EPHA10: variants seen among roughly 807,000 people sequenced by gnomAD.
The protein encoded by EPHA10 is EPH receptor A10.
In EPHA10, 120 loss-of-function variants were observed where a neutral mutation model predicts 109.7. That is an observed-to-expected ratio of 1.09 (90% CI 0.94 to 1.27). EPHA10 has a LOEUF of 1.27. Ranked by LOEUF, EPHA10 falls within the 50% of genes most tolerant of loss-of-function variation. The pLI, the probability that EPHA10 is intolerant of heterozygous loss-of-function variation, is 0.00. For synonymous variants in EPHA10, 640 were observed against 618.9 expected (o/e 1.03, Z -0.51); for missense variants, 1,396 against 1,411.1 (o/e 0.99, Z 0.17).
At position 37,721,718 on chromosome 1, in the gene EPHA10, G is replaced by T; in HGVS notation, c.2088C>A (p.Leu696=). The T allele has an allele frequency of 6.2e-7, 1 of 1,612,544 alleles. No homozygotes were observed. The highest frequency in any genetic ancestry group is 8.5e-7 in the Non-Finnish European group (1 of 1,179,892). ...GGCTATGGTCAAACTGGCCCAGCGT[G>T]AGGGCCTCGGCCAGGAAGCCGAGCC... ...SQRLGFLAEA[L]TLGQFDHSHI... Residue 696 remains leucine (L), a synonymous_variant, in exon 11 of 17, where the codon CTC becomes CTA. Transcript: ENST00000373048.
Position 37,716,151 on chromosome 1 carries a change from G to C in EPHA10, c.*2221C>G, listed in dbSNP as rs1645688175. 2.4e-6 allele frequency: 1 copy of C among 423,680 alleles called. No individual in the cohort carries two copies. The highest frequency in any genetic ancestry group is 2.0e-5 in the African/African-American group (1 of 49,998). 26.2% of individuals were successfully genotyped at this position (423,680 alleles called of 1,614,324 possible). ...AGTTCCATATAAAAATAGATCTGTA[G>C]AGGGTTCCCAGAGAGCCATCGCCCC... On this transcript the variant is annotated 3_prime_UTR_variant, in exon 17 of 17. Transcript: ENST00000373048.
chr1:37,736,514 C>T (rs954527612), intron 5 of EPHA10, among the ~76,000 whole-genome samples: 3 of 142,392 alleles, frequency 2.1e-5, no homozygotes, highest in Admixed American at 7.3e-5. Flanking sequence ...TTGAGACCAT[C>T]CTGGCCAACA....
intron 6 of EPHA10, among the ~76,000 whole-genome samples, chr1:37,734,963 T>C (rs1233608959): frequency 1.3e-5 from 2 of 152,126 alleles, no homozygotes; most frequent in Non-Finnish European, 2.9e-5. Flanking sequence ...CGTATAAGAT[T>C]CAGCCACACA....
Position 37,718,483 on chromosome 1 carries a change from G to A in EPHA10, c.2916C>T (p.Asp972=), listed in dbSNP as rs1467762531. The change falls in exon 17 of 17, where the codon GAC becomes GAT. Residue 972 remains aspartate (D), a synonymous_variant. Transcript: ENST00000373048. ...CCAAAGAGATGCCTAGGCTCACCAG[G>A]TCCCTGAAACAAAGGCTGGTCACAC... ...LEAVAEMTAQ[D]LVSLGISLAE... 6.2e-7 allele frequency: 1 copy of A among 1,613,426 alleles called. No homozygotes were observed. Among genetic ancestry groups the A allele is most frequent in the South Asian group, 1.1e-5 (1 of 91,086 alleles).
At position 37,765,062 on chromosome 1, in the gene EPHA10, T is replaced by A. The variant is rs775871085; in HGVS notation, c.5A>T (p.Glu2Val). 6.3e-7 allele frequency: 1 copy of A among 1,597,400 alleles called. No individual in the cohort carries two copies. The change falls in exon 1 of 17, where the codon GAG (glutamate) becomes GTG (valine). Residue 2 changes from glutamate (E) to valine (V), a missense_variant. Physicochemically the swap from Glu to Val is moderately radical, Grantham distance 121 (BLOSUM62 -2). Transcript: ENST00000373048. ...CAGCGGGTGTGGACCGGCGCAGGTC[T>A]CCATGGTCCGCAGACCGAGCTGTCA... M[E>V]TCAGPHPLRL...
chr1:37,753,093 G>A lies in EPHA10; in HGVS notation c.1140C>T (p.Cys380=). ...AGGCGCCCGCCGGGCCCTCGCGGCCGCAGCGCAGGCACAGCAGCGAGTAGG... is the reference window on the plus strand; with the variant it reads ...AGGCGCCCGCCGGGCCCTCGCGGCCACAGCGCAGGCACAGCAGCGAGTAGG... ...DVTYSLLCLR[C]GREGPAGACE... Residue 380 remains cysteine, a synonymous_variant, in exon 5 of 17, where the codon TGC becomes TGT. Coordinates refer to ENST00000373048, the MANE Select transcript of EPHA10 (RefSeq NM_001099439.2). 3.0e-6 allele frequency: 4 copies of A among 1,325,940 alleles called. No individual in the cohort carries two copies. Among genetic ancestry groups the A allele is most frequent in the South Asian group, 1.9e-5 (1 of 51,942 alleles). The allele number at this position is 1,325,940 out of a possible 1,614,324, so 82.1% of individuals were successfully genotyped here. A position where few individuals can be genotyped will look rare whatever the true frequency, so the allele number is the denominator to read the frequency against.
chr1:37,759,419 A>G (rs687332), intron 3 of EPHA10, among the ~76,000 whole-genome samples: 94,885 of 151,562 alleles, frequency 0.63, 30,339 homozygotes, highest in East Asian at 0.8. Context: ...GCTGCCTGGG[A>G]AAAAAAAACC....
chr1:37,752,410 G>T (rs1646341646), intron 5 of EPHA10, among the ~76,000 whole-genome samples: 1 of 152,158 alleles, frequency 6.6e-6, no homozygotes, highest in Admixed American at 6.5e-5. Context: ...GCCGGATCCG[G>T]CTTCCCGAGA....
In EPHA10 at chr1:37,744,296, G is replaced by A. The variant is rs1259043902; in HGVS notation, c.1357+8580C>T. Among the ~76,000 whole-genome samples the A allele has an allele frequency of 6.6e-5, 10 of 151,222 alleles. No individual in the cohort carries two copies. The East Asian group carries it at 1.9e-3, about 29-fold the overall frequency. On this transcript the variant is annotated intron_variant, in intron 5 of 16. Coordinates refer to ENST00000373048, the MANE Select transcript of EPHA10 (RefSeq NM_001099439.2). ...TGGGAGGCTGAGGCGGGTGGATCAC[G>A]AGGTCAGGAGTTCGAGACCAGCCTG...
In EPHA10 at chr1:37,743,008, T is replaced by TATA. The variant is rs535254655; in HGVS notation, c.1358-7621_1358-7619dup. 3.8e-4 allele frequency among the ~76,000 whole-genome samples: 57 copies of TATA among 151,276 alleles called. No individual in the cohort carries two copies. The South Asian group carries it at 0.011, about 30-fold the overall frequency. ...AAGACCTTGTCTCTAATAATAATAA[T>TATA]ATAATAATAATAATAAAATAAAATC... On this transcript the variant is annotated intron_variant, in intron 5 of 16. Coordinates refer to ENST00000373048, the MANE Select transcript of EPHA10 (RefSeq NM_001099439.2).
chr1:37,717,178 GC>G lies in EPHA10; in HGVS notation c.*1193del, dbSNP rs1645706514. The G allele has an allele frequency of 4.3e-6, 1 of 232,784 alleles. No homozygotes were observed. Among genetic ancestry groups the G allele is most frequent in the Non-Finnish European group, 8.5e-6 (1 of 117,844 alleles). The allele number at this position is 232,784 out of a possible 1,614,324, so 14.4% of individuals were successfully genotyped here. ...ATACTGGGCCCCACCATTCCCGGGG[GC>G]CCTTGTGGATAAGGAACTCCACGGT... On this transcript the variant is annotated 3_prime_UTR_variant, in exon 17 of 17. Transcript: ENST00000373048.
chr1:37,753,244 CG>C lies in EPHA10; in HGVS notation c.1007-19del. Reference sequence around the variant, plus strand: ...CGGCGGCCCTGAGGCGGCACAGGGGCGGGGCGGTCAGGGCGGGGCGTGGGTG... The same window carrying C: ...CGGCGGCCCTGAGGCGGCACAGGGGCGGGCGGTCAGGGCGGGGCGTGGGTG... On this transcript the variant is annotated intron_variant, in intron 4 of 16. Coordinates refer to ENST00000373048, the MANE Select transcript of EPHA10 (RefSeq NM_001099439.2). 1.2e-6 allele frequency: 1 copy of C among 818,704 alleles called. No individual in the cohort carries two copies. Among genetic ancestry groups the C allele is most frequent in the South Asian group, 4.3e-5 (1 of 23,186 alleles). The allele number at this position is 818,704 out of a possible 1,614,324, so 50.7% of individuals were successfully genotyped here.
intron 3 of EPHA10, chr1:37,761,026 G>A (rs1363125956): frequency 2.0e-6 from 1 of 497,350 alleles, no homozygotes; most frequent in African/African-American, 2.0e-5. Flanking sequence ...GGAAGTTGCA[G>A]TTAGCCAAGA....
Position 37,762,067 on chromosome 1 carries a change from C to A in EPHA10, c.188G>T (p.Gly63Val). Residue 63 changes from glycine to valine, a missense_variant, in exon 3 of 17, where the codon GGC becomes GTC. By Grantham distance (109) the Gly-to-Val change is moderately radical. Coordinates refer to ENST00000373048, the MANE Select transcript of EPHA10 (RefSeq NM_001099439.2). ...GATGGGACGGTCGTGTTCATCCACG[C>A]CGCTGATCTCCTCCCACTGGGGACA... Reference protein sequence around the residue: ...LPSNGWEEISGVDEHDRPIRT... With the variant: ...LPSNGWEEISVVDEHDRPIRT... 6.3e-7 allele frequency: 1 copy of A among 1,588,178 alleles called. No individual in the cohort carries two copies. Among genetic ancestry groups the A allele is most frequent in the Non-Finnish European group, 8.6e-7 (1 of 1,164,670 alleles).
chr1:37,720,643 G>T, intron 12 of EPHA10, 89 bp from the exon 13 acceptor site: 2 of 1,532,138 alleles, frequency 1.3e-6, no homozygotes, highest in Non-Finnish European at 1.8e-6. Context: ...CTCTCGCCAG[G>T]CTTTAGTTCA....
At chr1:37,715,644 C>G (rs1557523728), downstream of EPHA10, among the ~76,000 whole-genome samples, 1 of 152,286 alleles carries the variant, frequency 6.6e-6, no homozygotes, top group Non-Finnish European at 1.5e-5. Context: ...GCACTGAGCA[C>G]CTTTCCTGGT....
chr1:37,720,346 C>A lies in EPHA10; in HGVS notation c.2412+5G>T, dbSNP rs1645768840. ...ACAGGCAGGCTTGGCTGGGGGCGCC[C>A]TCACCATAGTGGTGTAGACAGCCTC... On this transcript the variant is annotated splice_donor_5th_base_variant and intron_variant, in intron 13 of 16. Transcript: ENST00000373048. 1.1e-5 allele frequency: 18 copies of A among 1,595,054 alleles called. No homozygotes were observed. Among genetic ancestry groups the A allele is most frequent in the Non-Finnish European group, 1.5e-5 (17 of 1,170,828 alleles).
intron 5 of EPHA10, among the ~76,000 whole-genome samples, chr1:37,740,407 G>A (rs1476574831): frequency 2.0e-5 from 3 of 152,060 alleles, no homozygotes; most frequent in South Asian, 2.1e-4. Flanking sequence ...CCAGGTTCAC[G>A]CCATTCTCCT....
At position 37,723,213 on chromosome 1, in the gene EPHA10, G is replaced by A. The variant is rs1468956323; in HGVS notation, c.1835-47C>T. ...CTGAGGAATGGGGCCTCCACCACTGGGGCTGACAAGCGGGCTCATGCAGTG... is the reference window on the plus strand; with the variant it reads ...CTGAGGAATGGGGCCTCCACCACTGAGGCTGACAAGCGGGCTCATGCAGTG... On this transcript the variant is annotated intron_variant, in intron 9 of 16. Coordinates refer to ENST00000373048, the MANE Select transcript of EPHA10 (RefSeq NM_001099439.2). The A allele has an allele frequency of 4.4e-6, 7 of 1,605,672 alleles. No individual in the cohort carries two copies. The South Asian group carries it at 7.8e-5, about 18-fold the overall frequency.
Sources: gnomAD v4.1 joint callset for allele counts (sites outside exome capture counted in the v4.1 genomes callset) on GRCh38, gnomAD v4.1.1 for gene constraint, MANE v1.5 for transcripts, NCBI Gene and HGNC (gene_info 2026-07-23, HGNC 2026-07-21) for gene names.